ARHGAP8: variants seen among roughly 807,000 people sequenced by gnomAD.
ARHGAP8 encodes Rho GTPase activating protein 8.
ARHGAP8 carries 62 observed loss-of-function variants against 46.1 expected under a neutral mutation model. The observed-to-expected ratio is 1.34, with a 90% CI of 1.10 to 1.66. The LOEUF (loss-of-function observed/expected upper bound fraction) is 1.66, where lower values mean the gene tolerates loss of function less well. Ranked by LOEUF, ARHGAP8 falls within the 40% of genes most tolerant of loss-of-function variation. ARHGAP8 has a pLI of 0.00. For synonymous variants in ARHGAP8, 375 were observed against 243.1 expected (o/e 1.54, Z -5.05); for missense variants, 923 against 568.4 (o/e 1.62, Z -6.34).
chr22:44,777,789 G>A (rs573765916), intron 1 of ARHGAP8, among the ~76,000 whole-genome samples: 5 of 152,094 alleles, frequency 3.3e-5, no homozygotes, highest in East Asian at 1.9e-4. Context: ...TCCGCCTCCC[G>A]GGCTCAAGCG....
rs1274729124 is a variant in ARHGAP8, at chr22:44,843,684, G to A, written c.597-1585G>A. Among the ~76,000 whole-genome samples, 3 of 152,164 alleles carry A rather than the reference G, an allele frequency of 2.0e-5. No individual in the cohort carries two copies. In the East Asian group the frequency reaches 5.8e-4, roughly 30 times the overall value. On this transcript the variant is annotated intron_variant, in intron 7 of 11. Transcript: ENST00000356099. ...TCTCTACAAAAAATTAACTGGCATG[G>A]CATGGTGGCACATGCCTGTAGCCCC... is the stretch of plus-strand genomic sequence containing the variant.
At chr22:44,799,606 C>T (rs1364330739) in intron 2 of ARHGAP8, among the ~76,000 whole-genome samples, 1 of 152,102 alleles carries the variant, frequency 6.6e-6, no homozygotes, top group Non-Finnish European at 1.5e-5. Context: ...CTGACGACAG[C>T]CTGGTGTGGG....
At chr22:44,822,200 G>A (rs1602226016) in intron 5 of ARHGAP8, among the ~76,000 whole-genome samples, 171 bp from the exon 6 acceptor site, 2 of 152,230 alleles carry the variant, frequency 1.3e-5, no homozygotes, top group East Asian at 3.9e-4. Flanking sequence ...ATATCTCCCG[G>A]CGTGCGCTGC....
chr22:44,793,966 C>G (rs951946712), intron 2 of ARHGAP8, among the ~76,000 whole-genome samples: 18 of 152,200 alleles, frequency 1.2e-4, no homozygotes, highest in African/African-American at 4.1e-4. Context: ...GGATTCCTCT[C>G]AGCTGCTGGG....
chr22:44,777,130 C>T (rs573801460), intron 1 of ARHGAP8: 1 of 152,204 alleles, frequency 6.6e-6, no homozygotes, highest in East Asian at 1.9e-4. Flanking sequence ...TGAATCATTC[C>T]ACTCCCGTAA....
intron 11 of ARHGAP8, 99 bp from the exon 12 acceptor site, chr22:44,862,176 C>T: frequency 7.0e-7 from 1 of 1,428,244 alleles, no homozygotes; most frequent in Non-Finnish European, 9.3e-7. Flanking sequence ...CAGTGCTCCT[C>T]TCACTACACC....
intron 7 of ARHGAP8, among the ~76,000 whole-genome samples, chr22:44,829,815 C>G (rs1000045915): frequency 1.3e-5 from 2 of 152,176 alleles, no homozygotes; most frequent in African/African-American, 4.8e-5. Context: ...AAGCTATCAC[C>G]TTAGAATGAG....
chr22:44,774,521 T>G (rs1926274962), intron 1 of ARHGAP8, among the ~76,000 whole-genome samples: 1 of 148,978 alleles, frequency 6.7e-6, no homozygotes, highest in African/African-American at 2.5e-5. Flanking sequence ...TTGGGAGATT[T>G]TTTTTTTTTT....
intron 5 of ARHGAP8, among the ~76,000 whole-genome samples, chr22:44,815,838 G>C (rs1929699712): frequency 6.6e-6 from 1 of 150,750 alleles, no homozygotes; most frequent in African/African-American, 2.5e-5. Flanking sequence ...TGTGTGCACA[G>C]AGCCACATGA....
chr22:44,816,060 A>AG (rs1444703397), intron 5 of ARHGAP8, among the ~76,000 whole-genome samples: 1 of 152,120 alleles, frequency 6.6e-6, no homozygotes, highest in Non-Finnish European at 1.5e-5. Flanking sequence ...CTCTGGGGAC[A>AG]GGGAGGCGCA....
intron 2 of ARHGAP8, chr22:44,801,856 G>A (rs1175272805): frequency 1.7e-6 from 1 of 579,030 alleles, no homozygotes; most frequent in Non-Finnish European, 3.1e-6. Flanking sequence ...AAAGTGGGGG[G>A]ATTATTTCCA....
chr22:44,770,082 A>G (rs1016661251), intron 1 of ARHGAP8, among the ~76,000 whole-genome samples: 1 of 151,994 alleles, frequency 6.6e-6, no homozygotes, highest in African/African-American at 2.4e-5. Flanking sequence ...CATCTCTACT[A>G]AAAACACAAA....
At position 44,859,846 on chromosome 22, in the gene ARHGAP8, A is replaced by C; in HGVS notation, c.981+12A>C. The C allele has an allele frequency of 6.2e-7, 1 of 1,612,496 alleles. No homozygotes were observed. The highest frequency in any genetic ancestry group is 8.5e-7 in the Non-Finnish European group (1 of 1,179,338). On this transcript the variant is annotated intron_variant, in intron 11 of 11. Transcript: ENST00000356099. Reference sequence around the variant, plus strand: ...GCTTCCTGCATGCGGTGAGTGGGGAAGGGGGGAGCTTGGGGTGAAGCCCAG... The same window carrying C: ...GCTTCCTGCATGCGGTGAGTGGGGACGGGGGGAGCTTGGGGTGAAGCCCAG...
Position 44,808,563 on chromosome 22 carries a change from G to T in ARHGAP8, c.299+125G>T, listed in dbSNP as rs1602206167. On this transcript the variant is annotated intron_variant, in intron 4 of 11. Coordinates refer to ENST00000356099, the MANE Select transcript of ARHGAP8 (RefSeq NM_181335.3). ...GGTCTGGTAGGGCGGAGGGTGGAGG[G>T]TGAGCAAATGTGGGGCAGTGGAGGT... is the stretch of plus-strand genomic sequence containing the variant. 36 of 1,500,768 alleles carry T rather than the reference G, an allele frequency of 2.4e-5. No homozygotes were observed. In the East Asian group the frequency reaches 8.1e-4, roughly 34 times the overall value. 93.0% of individuals were successfully genotyped at this position (1,500,768 alleles called of 1,614,324 possible).
intron 11 of ARHGAP8, 51 bp from the exon 12 acceptor site, chr22:44,862,224 C>T: frequency 6.5e-7 from 1 of 1,532,948 alleles, no homozygotes; most frequent in Non-Finnish European, 8.8e-7. Flanking sequence ...GTTCCAGGTG[C>T]CCGTGCCCCT....
chr22:44,861,219 G>A lies in ARHGAP8; in HGVS notation c.982-1056G>A, dbSNP rs956337498. Among the ~76,000 whole-genome samples, 4 of 152,104 alleles carry A rather than the reference G, an allele frequency of 2.6e-5. No individual in the cohort carries two copies. In the South Asian group the frequency reaches 8.3e-4, roughly 32 times the overall value. On this transcript the variant is annotated intron_variant, in intron 11 of 11. Transcript: ENST00000356099. ...ACTCCTGACCTCAGGTGATCCACCT[G>A]CCTCGGCCTCTTAAGAGTGCTGGGA...
chr22:44,861,681 T>C (rs1601539833), intron 11 of ARHGAP8, among the ~76,000 whole-genome samples: 1 of 152,172 alleles, frequency 6.6e-6, no homozygotes, highest in African/African-American at 2.4e-5. Context: ...TTGGTCCACA[T>C]GGCCCCCTGC....
intron 10 of ARHGAP8, chr22:44,850,910 G>A (rs1260786802): frequency 1.4e-5 from 2 of 144,328 alleles, no homozygotes; most frequent in Non-Finnish European, 3.0e-5. Flanking sequence ...GTTGTAGTGA[G>A]CCAGGATCGT....
At chr22:44,819,178 C>T (rs1393097626) in intron 5 of ARHGAP8, among the ~76,000 whole-genome samples, 2 of 152,228 alleles carry the variant, frequency 1.3e-5, no homozygotes, top group Non-Finnish European at 2.9e-5. Context: ...AGGTGATCCT[C>T]CCACCTCAGC....
Sources: gnomAD v4.1 joint callset for allele counts (sites outside exome capture counted in the v4.1 genomes callset) on GRCh38, gnomAD v4.1.1 for gene constraint, MANE v1.5 for transcripts, NCBI Gene and HGNC (gene_info 2026-07-23, HGNC 2026-07-21) for gene names.